The following ARHGAP8 variants were observed in gnomAD, a reference collection of about 807,000 sequenced individuals.
The protein encoded by ARHGAP8 is Rho GTPase activating protein 8, also known as rho GTPase-activating protein 8.
Under a neutral mutation model 46.1 loss-of-function variants are expected in ARHGAP8, and 62 were observed. That is an observed-to-expected ratio of 1.34 (90% CI 1.10 to 1.66). ARHGAP8 has a LOEUF of 1.66. Ranked by LOEUF, ARHGAP8 falls within the 40% of genes most tolerant of loss-of-function variation. The pLI is 0.00. For missense variants in ARHGAP8, 923 were observed against 568.4 expected, an observed-to-expected ratio of 1.62 and a Z score of -6.34; for synonymous variants, 375 against 243.1, an observed-to-expected ratio of 1.54 and a Z score of -5.05.
At position 44,853,752 on chromosome 22, in the gene ARHGAP8, C is replaced by G. The variant is rs144248347; in HGVS notation, c.877+4692C>G. On this transcript the variant is annotated intron_variant, in intron 10 of 11. Transcript: ENST00000356099. ...GTTAAAAATTTGCCATCAGGGCCAG[C>G]TGCGGTGGTTCACGCCTGTAATCCT... 4.5e-4 allele frequency among the ~76,000 whole-genome samples: 69 copies of G among 152,210 alleles called. No individual in the cohort carries two copies. The East Asian group carries it at 8.7e-3, about 19-fold the overall frequency.
intron 4 of ARHGAP8, 133 bp downstream of exon 4, chr22:44,808,571 A>C: frequency 6.7e-7 from 1 of 1,486,682 alleles, no homozygotes; most frequent in South Asian, 1.2e-5. Flanking sequence ...GGGTGAGCAA[A>C]TGTGGGGCAG....
intron 3 of ARHGAP8, among the ~76,000 whole-genome samples, chr22:44,806,013 A>C (rs1221013713): frequency 6.6e-6 from 1 of 152,204 alleles, no homozygotes; most frequent in Non-Finnish European, 1.5e-5. Context: ...GCTGGGGCCA[A>C]AGGAAGGGTG....
chr22:44,794,154 A>T (rs908340663), intron 2 of ARHGAP8, among the ~76,000 whole-genome samples: 8 of 152,202 alleles, frequency 5.3e-5, no homozygotes, highest in Admixed American at 1.3e-4. Flanking sequence ...GGGACACAGC[A>T]CTTCTGGAAG....
intron 3 of ARHGAP8, among the ~76,000 whole-genome samples, chr22:44,807,151 G>A (rs1158352369): frequency 6.6e-6 from 1 of 152,070 alleles, no homozygotes; most frequent in African/African-American, 2.4e-5. Context: ...GGGCCACGTG[G>A]GTGGGTTAAT....
At chr22:44,855,946 G>A (rs1204135103) in intron 10 of ARHGAP8, among the ~76,000 whole-genome samples, 1 of 152,186 alleles carries the variant, frequency 6.6e-6, no homozygotes, top group Non-Finnish European at 1.5e-5. Context: ...GAGGCCTCAG[G>A]AAGCTTTCAA....
chr22:44,796,238 C>T (rs897710400), intron 2 of ARHGAP8, among the ~76,000 whole-genome samples: 12 of 152,148 alleles, frequency 7.9e-5, no homozygotes, highest in African/African-American at 2.7e-4. Flanking sequence ...CACTGCCCGC[C>T]GTCCCTGCTT....
At chr22:44,834,195 A>G (rs1441552445) in intron 7 of ARHGAP8, among the ~76,000 whole-genome samples, 1 of 151,908 alleles carries the variant, frequency 6.6e-6, no homozygotes, top group Non-Finnish European at 1.5e-5. Flanking sequence ...TGTCAGATTT[A>G]GTTCATTTTC....
At chr22:44,848,820 CA>C in intron 9 of ARHGAP8, 111 bp from the exon 10 acceptor site, 1 of 1,546,290 alleles carries the variant, frequency 6.5e-7, no homozygotes, top group Non-Finnish European at 8.7e-7. Flanking sequence ...ATGGCTCCAG[CA>C]TCAGGTGCGT....
In ARHGAP8 at chr22:44,786,498, G is replaced by A. The variant is rs1470148203; in HGVS notation, c.-30G>A. ...GGCGGCGGCGGCTGCTGTGCTGGGT[G>A]CAGTGAGGAAGAGGCCCTCGGTGGT... On this transcript the variant is annotated 5_prime_UTR_variant, in exon 2 of 12. Transcript: ENST00000356099. The A allele has an allele frequency of 1.2e-6, 2 of 1,612,738 alleles. No homozygotes were observed. The highest frequency in any genetic ancestry group is 1.7e-6 in the Non-Finnish European group (2 of 1,179,552).
At chr22:44,855,808 G>C (rs1332662710) in intron 10 of ARHGAP8, among the ~76,000 whole-genome samples, 1 of 152,154 alleles carries the variant, frequency 6.6e-6, no homozygotes, top group East Asian at 1.9e-4. Flanking sequence ...TAGGATGTCA[G>C]CTGTCGCCGA....
At chr22:44,790,681 A>AAAG (rs1927604710) in intron 2 of ARHGAP8, among the ~76,000 whole-genome samples, 1 of 129,182 alleles carries the variant, frequency 7.7e-6, no homozygotes, top group East Asian at 2.3e-4. Context: ...TGTCTCAAAA[A>AAAG]AAAAAAAAAA....
At chr22:44,814,431 C>T (rs567304765) in intron 4 of ARHGAP8, among the ~76,000 whole-genome samples, 9 of 152,278 alleles carry the variant, frequency 5.9e-5, no homozygotes, top group South Asian at 4.1e-4. Context: ...AACAGGGCTC[C>T]GACTTGCAGC....
Position 44,808,292 on chromosome 22 carries a change from C to T in ARHGAP8, c.168-15C>T. The T allele has an allele frequency of 6.2e-7, 1 of 1,606,774 alleles. No homozygotes were observed. The highest frequency in any genetic ancestry group is 8.5e-7 in the Non-Finnish European group (1 of 1,175,338). On this transcript the variant is annotated splice_polypyrimidine_tract_variant and intron_variant, in intron 3 of 11. Coordinates refer to ENST00000356099, the MANE Select transcript of ARHGAP8 (RefSeq NM_181335.3). Reference sequence around the variant, plus strand: ...TAGGTGATTTTCATAACTGAATCTTCTGTGTTGTGCCCAGGTATTTGAAGT... The same window carrying T: ...TAGGTGATTTTCATAACTGAATCTTTTGTGTTGTGCCCAGGTATTTGAAGT...
At chr22:44,856,253 C>CATTTT (rs2070219433) in intron 10 of ARHGAP8, among the ~76,000 whole-genome samples, 1 of 111,092 alleles carries the variant, frequency 9.0e-6, no homozygotes, top group African/African-American at 4.3e-5. Context: ...CTATAAATTC[C>CATTTT]CTTTTTTTTT....
rs61375079 is a variant in ARHGAP8, at chr22:44,783,405, C to T, written c.-71-3052C>T. ...CACCAGCCAGGACCCACACCCGGAGCTTGTCATTGAAGAGCTCGGCCCCCA... is the reference window on the plus strand; with the variant it reads ...CACCAGCCAGGACCCACACCCGGAGTTTGTCATTGAAGAGCTCGGCCCCCA... On this transcript the variant is annotated intron_variant, in intron 1 of 11. Coordinates refer to ENST00000356099, the MANE Select transcript of ARHGAP8 (RefSeq NM_181335.3). Among the ~76,000 whole-genome samples the T allele has an allele frequency of 3.2e-3, 491 of 152,280 alleles. 3 individuals carry two copies. The highest frequency in any genetic ancestry group is 0.011 in the African/African-American group (460 of 41,558).
At chr22:44,822,079 T>C (rs1316946469) in intron 5 of ARHGAP8, among the ~76,000 whole-genome samples, 1 of 152,204 alleles carries the variant, frequency 6.6e-6, no homozygotes, top group East Asian at 1.9e-4. Context: ...ACTTCCGCGC[T>C]ATCTCCTATA....
rs544664265 is a variant in ARHGAP8 at position 44,798,122 on chromosome 22, G to A, written c.80-3955G>A. Among the ~76,000 whole-genome samples, 35 of 151,824 alleles carry A rather than the reference G, an allele frequency of 2.3e-4. No homozygotes were observed. In the Middle Eastern group the frequency reaches 0.01, roughly 44 times the overall value. The stretch of plus-strand genomic sequence containing the variant: ...TTCCTGAGTAGCTGGGACTACAGGC[G>A]TGCACCACCACACCCAGCTAATTTT... On this transcript the variant is annotated intron_variant, in intron 2 of 11. Coordinates refer to ENST00000356099, the MANE Select transcript of ARHGAP8 (RefSeq NM_181335.3).
At chr22:44,822,522 A>G in intron 6 of ARHGAP8, 53 bp downstream of exon 6, 3 of 1,447,620 alleles carry the variant, frequency 2.1e-6, no homozygotes. Flanking sequence ...CGTGCTTCCA[A>G]AGGGCTTGGT....
intron 1 of ARHGAP8, among the ~76,000 whole-genome samples, chr22:44,762,922 GGGGGCTGTCCCAGA>G (rs1427162413): frequency 6.6e-6 from 1 of 152,152 alleles, no homozygotes; most frequent in Non-Finnish European, 1.5e-5. Flanking sequence ...GCTTCAGGAT[GGGGGCTGTCCCAGA>G]GGAACCAGCC....
Sources: gnomAD v4.1 joint callset for allele counts (sites outside exome capture counted in the v4.1 genomes callset) on GRCh38, gnomAD v4.1.1 for gene constraint, MANE v1.5 for transcripts, NCBI Gene and HGNC (gene_info 2026-07-23, HGNC 2026-07-21) for gene names.